KAT7: variants seen among roughly 807,000 people sequenced by gnomAD.
KAT7 encodes lysine acetyltransferase 7, also known as histone acetyltransferase KAT7.
Under a neutral mutation model 82.1 loss-of-function variants are expected in KAT7, and 10 were observed. That is an observed-to-expected ratio of 0.12 (90% CI 0.08 to 0.21). KAT7 has a LOEUF of 0.21. KAT7 is among the 10% of genes least tolerant of loss of function. The pLI, the probability that KAT7 is intolerant of heterozygous loss-of-function variation, is 1.00. For synonymous variants in KAT7, 250 were observed against 262.5 expected, an observed-to-expected ratio of 0.95 and a Z score of 0.46; for missense variants, 378 against 760.9, an observed-to-expected ratio of 0.50 and a Z score of 5.92.
intron 4 of KAT7, among the ~76,000 whole-genome samples, chr17:49,804,899 G>A (rs563399909): frequency 3.9e-5 from 6 of 152,214 alleles, no homozygotes; most frequent in Admixed American, 1.3e-4. Flanking sequence ...AGAAAAGGCC[G>A]CTTCTCCATT....
rs1567871357 is a variant in KAT7, at chr17:49,834,559, C to T, written c.*7057C>T. 1 of 152,266 alleles carries T rather than the reference C, an allele frequency of 6.6e-6. No individual in the cohort carries two copies. The highest frequency in any genetic ancestry group is 1.5e-5 in the Non-Finnish European group (1 of 68,058). The allele number at this position is 152,266 out of a possible 1,614,324, so 9.4% of individuals were successfully genotyped here. On this transcript the variant is annotated 3_prime_UTR_variant, in exon 15 of 15. Transcript: ENST00000259021. ...CCTGGCTTTCAAGTCTTTCCGTAAG[C>T]TGACTCAACCTACATAGCTTTCATC...
chr17:49,796,436 T>C (rs1186688123), intron 2 of KAT7, among the ~76,000 whole-genome samples: 4 of 152,222 alleles, frequency 2.6e-5, no homozygotes, highest in African/African-American at 7.2e-5. Flanking sequence ...TCCTTTTCAA[T>C]AGGTCAGGAA....
chr17:49,794,213 G>C (rs2073925302), intron 2 of KAT7, among the ~76,000 whole-genome samples: 1 of 152,176 alleles, frequency 6.6e-6, no homozygotes, highest in Non-Finnish European at 1.5e-5. Context: ...GCTGTGAGAG[G>C]GGTTTGCATA....
chr17:49,789,574 C>G (rs113344337), intron 1 of KAT7: 2 of 152,126 alleles, frequency 1.3e-5, no homozygotes, highest in Non-Finnish European at 2.9e-5. Context: ...TTTCTTCTTA[C>G]AGCTGAACTA....
chr17:49,811,452 C>T (rs1342401120), intron 6 of KAT7, 24 bp from the exon 7 acceptor site: 10 of 1,212,600 alleles, frequency 8.2e-6, no homozygotes, highest in Non-Finnish European at 1.0e-5. Context: ...AGTTTTCTCT[C>T]AGTTTTCTCC....
chr17:49,827,119 C>T (rs2074377423), intron 14 of KAT7: 2 of 463,082 alleles, frequency 4.3e-6, no homozygotes, highest in Non-Finnish European at 7.7e-6. Flanking sequence ...GGAATCTTCA[C>T]AAATGCTGTC....
At chr17:49,794,692 G>C (rs542869525) in intron 2 of KAT7, among the ~76,000 whole-genome samples, 2 of 152,346 alleles carry the variant, frequency 1.3e-5, no homozygotes, top group East Asian at 3.9e-4. Flanking sequence ...AAGACATAAT[G>C]TTTGTAGGAA....
chr17:49,798,728 G>A (rs183177580), intron 4 of KAT7, among the ~76,000 whole-genome samples, 170 bp downstream of exon 4: 44 of 152,284 alleles, frequency 2.9e-4, no homozygotes, highest in Admixed American at 1.3e-3. Context: ...CTTCTTGGCC[G>A]ATGGTCCATA....
intron 1 of KAT7, among the ~76,000 whole-genome samples, chr17:49,791,478 T>C (rs1239921467): frequency 6.6e-6 from 1 of 152,104 alleles, no homozygotes; most frequent in Non-Finnish European, 1.5e-5. Flanking sequence ...GCCAACATAG[T>C]GAAACCCCGT....
At chr17:49,799,154 T>C (rs1312335136) in intron 4 of KAT7, among the ~76,000 whole-genome samples, 2 of 152,226 alleles carry the variant, frequency 1.3e-5, no homozygotes, top group African/African-American at 2.4e-5. Flanking sequence ...TTAGAGATTC[T>C]TGTGGTTTGA....
chr17:49,822,418 A>G (rs1177895096), intron 11 of KAT7, among the ~76,000 whole-genome samples: 1 of 151,970 alleles, frequency 6.6e-6, no homozygotes, highest in Non-Finnish European at 1.5e-5. Context: ...TTTAGTAGAG[A>G]TGGTGTTTTA....
intron 4 of KAT7, among the ~76,000 whole-genome samples, chr17:49,800,239 C>T (rs922150713): frequency 7.9e-5 from 12 of 152,036 alleles, no homozygotes; most frequent in African/African-American, 2.9e-4. Flanking sequence ...TCTCGATCTC[C>T]TGACCTCGTG....
chr17:49,831,501 T>A lies in KAT7; in HGVS notation c.*3999T>A, dbSNP rs2074424616. On this transcript the variant is annotated 3_prime_UTR_variant, in exon 15 of 15. Coordinates refer to ENST00000259021, the MANE Select transcript of KAT7 (RefSeq NM_007067.5). ...TATAGTCTTCTTCTAGATGAAAAAT[T>A]GAGGCTCATAGTGGTCTTGCTGCTG... The A allele has an allele frequency of 6.6e-6, 1 of 152,100 alleles. No homozygotes were observed. The highest frequency in any genetic ancestry group is 2.4e-5 in the African/African-American group (1 of 41,406). The allele number at this position is 152,100 out of a possible 1,614,324, so 9.4% of individuals were successfully genotyped here.
rs771520735 is a variant in KAT7, at chr17:49,791,915, C to A, written c.45C>A (p.Thr15=). The change falls in exon 2 of 15, where the codon ACC becomes ACA. Residue 15 remains threonine (T), a synonymous_variant. Transcript: ENST00000259021. ...KRNAGSSSDG[T]EDSDFSTDLE... ...ATGCAGGCAGTAGTTCAGATGGAAC[C>A]GAAGATTCCGATTTTTCTACAGATC... The A allele has an allele frequency of 5.0e-6, 8 of 1,614,076 alleles. No individual in the cohort carries two copies. In the Admixed American group the frequency reaches 8.3e-5, roughly 17 times the overall value.
intron 12 of KAT7, among the ~76,000 whole-genome samples, chr17:49,823,828 A>G (rs2074335349): frequency 6.6e-6 from 1 of 152,226 alleles, no homozygotes; most frequent in South Asian, 2.1e-4. Flanking sequence ...ATGGATGCAC[A>G]CATTCCCAGC....
In KAT7 at chr17:49,822,654, A is replaced by G. The variant is rs774001133; in HGVS notation, c.1387-548A>G. Reference sequence around the variant, plus strand: ...TATAGTGTATTCACAGAGTTGTGCAATCAACCCAGTTTGCATTATCCTGAA... The same window carrying G: ...TATAGTGTATTCACAGAGTTGTGCAGTCAACCCAGTTTGCATTATCCTGAA... On this transcript the variant is annotated intron_variant, in intron 11 of 14. Coordinates refer to ENST00000259021, the MANE Select transcript of KAT7 (RefSeq NM_007067.5). Among the ~76,000 whole-genome samples the G allele has an allele frequency of 6.6e-4, 100 of 152,186 alleles. 1 individual carries two copies. Among genetic ancestry groups the G allele is most frequent in the Non-Finnish European group, 1.3e-3 (88 of 68,042 alleles).
chr17:49,819,831 G>A (rs1340401691), intron 9 of KAT7, among the ~76,000 whole-genome samples: 1 of 152,230 alleles, frequency 6.6e-6, no homozygotes, highest in Non-Finnish European at 1.5e-5. Flanking sequence ...AAGGGGTAGA[G>A]ATAGGAACAA....
At chr17:49,817,451 C>T (rs1225208726) in intron 8 of KAT7, among the ~76,000 whole-genome samples, 1 of 152,116 alleles carries the variant, frequency 6.6e-6, no homozygotes, top group Admixed American at 6.5e-5. Flanking sequence ...TGGTGGCATG[C>T]ACACACACTT....
At chr17:49,821,250 C>A in intron 9 of KAT7, 87 bp from the exon 10 acceptor site, 1 of 949,010 alleles carries the variant, frequency 1.1e-6, no homozygotes, top group Non-Finnish European at 1.7e-6. Context: ...CAGTTAACCA[C>A]ATTTGACCTG....
Sources: allele counts gnomAD v4.1 joint callset (sites outside exome capture counted in the v4.1 genomes callset), GRCh38; gene constraint gnomAD v4.1.1; transcripts MANE v1.5; gene names NCBI Gene and HGNC (gene_info 2026-07-23, HGNC 2026-07-21).